Variants in RSRC1 observed in about 807,000 individuals in gnomAD.
RSRC1 encodes the protein arginine and serine rich coiled-coil 1.
RSRC1 carries 39 observed loss-of-function variants against 49.1 expected under a neutral mutation model. The ratio of observed to expected loss-of-function variants is 0.79; its 90% CI spans 0.61 to 1.04. RSRC1 has a LOEUF of 1.04. RSRC1 is among the 50% of genes least tolerant of loss of function. The pLI is 0.00. For missense variants in RSRC1, 388 were observed against 402.4 expected (o/e 0.96, Z 0.31); for synonymous variants, 143 against 130.8 (o/e 1.09, Z -0.63).
intron 3 of RSRC1, among the ~76,000 whole-genome samples, chr3:158,149,177 A>G (rs115160883): frequency 9.2e-5 from 14 of 152,268 alleles, no homozygotes; most frequent in South Asian, 2.1e-4. Context: ...TTTTCTTTAT[A>G]GTTTCTTTTT....
intron 3 of RSRC1, among the ~76,000 whole-genome samples, chr3:158,198,557 G>A (rs565848793): frequency 2.5e-4 from 38 of 152,194 alleles, no homozygotes; most frequent in African/African-American, 2.2e-4. Context: ...TATTTTGCTC[G>A]TTAGTTGATG....
chr3:158,497,162 A>G (rs935299919), intron 7 of RSRC1, among the ~76,000 whole-genome samples: 1 of 152,036 alleles, frequency 6.6e-6, no homozygotes, highest in African/African-American at 2.4e-5. Context: ...GAACTTTTTC[A>G]TCTTGCAAAA....
rs1279133857 is a variant in RSRC1 at position 158,545,654 on chromosome 3, A to G, written c.*1379A>G. Reference sequence around the variant, plus strand: ...GTGATGATGAAATATTTGTTTTCATACAAACATGCTTTCCCATTCTAAATA... The same window carrying G: ...GTGATGATGAAATATTTGTTTTCATGCAAACATGCTTTCCCATTCTAAATA... On this transcript the variant is annotated 3_prime_UTR_variant, in exon 10 of 10. Coordinates refer to ENST00000611884, the MANE Select transcript of RSRC1 (RefSeq NM_001271838.2). The G allele has an allele frequency of 6.6e-6, 1 of 152,240 alleles. No individual in the cohort carries two copies. The highest frequency in any genetic ancestry group is 1.5e-5 in the Non-Finnish European group (1 of 68,040). The allele number at this position is 152,240 out of a possible 1,614,324, so 9.4% of individuals were successfully genotyped here.
intron 3 of RSRC1, among the ~76,000 whole-genome samples, chr3:158,201,165 G>C (rs1270201650): frequency 1.3e-5 from 2 of 152,082 alleles, no homozygotes; most frequent in Admixed American, 1.3e-4. Context: ...ACCATGTTAA[G>C]AATTTCATTC....
At chr3:158,415,613 A>G (rs928835778) in intron 6 of RSRC1, among the ~76,000 whole-genome samples, 1 of 152,032 alleles carries the variant, frequency 6.6e-6, no homozygotes. Flanking sequence ...TTCAGTAAAT[A>G]TTGACTTTCA....
At chr3:158,120,807 T>A (rs1715206162) in intron 1 of RSRC1, among the ~76,000 whole-genome samples, 1 of 150,530 alleles carries the variant, frequency 6.6e-6, no homozygotes, top group Admixed American at 6.6e-5. Context: ...ATATTAAAGA[T>A]GATGTGAGCT....
intron 4 of RSRC1, among the ~76,000 whole-genome samples, chr3:158,215,419 A>T (rs1157758687): frequency 6.7e-6 from 1 of 149,962 alleles, no homozygotes. Flanking sequence ...CTGGCCTTGT[A>T]TTCATTTTAA....
At chr3:158,231,860 G>A (rs552268285) in intron 4 of RSRC1, among the ~76,000 whole-genome samples, 258 of 151,998 alleles carry the variant, frequency 1.7e-3, no homozygotes, top group Non-Finnish European at 3.0e-3. Context: ...TTACTTTACC[G>A]TACTTTTAAT....
intron 7 of RSRC1, among the ~76,000 whole-genome samples, chr3:158,512,521 T>C (rs1740247699): frequency 6.6e-6 from 1 of 152,234 alleles, no homozygotes; most frequent in Admixed American, 6.5e-5. Context: ...ACTGTAGCCT[T>C]ATAGTATAGT....
intron 7 of RSRC1, among the ~76,000 whole-genome samples, chr3:158,479,968 T>C (rs1046302953): frequency 1.3e-5 from 2 of 152,032 alleles, no homozygotes; most frequent in African/African-American, 4.8e-5. Flanking sequence ...ATGTTTTCCT[T>C]AGCAAAAGTC....
At chr3:158,214,050 T>C (rs1404824480) in intron 4 of RSRC1, among the ~76,000 whole-genome samples, 2 of 85,752 alleles carry the variant, frequency 2.3e-5, no homozygotes, top group Admixed American at 2.6e-4. Context: ...CAATAAAAAA[T>C]TATACAAAAA....
intron 6 of RSRC1, among the ~76,000 whole-genome samples, chr3:158,418,863 C>T (rs552222765): frequency 4.0e-5 from 6 of 151,778 alleles, no homozygotes; most frequent in Non-Finnish European, 8.8e-5. Flanking sequence ...GAGAAGTGAC[C>T]GAGATTAATC....
chr3:158,472,555 C>G (rs567340227), intron 7 of RSRC1, among the ~76,000 whole-genome samples: 7 of 152,254 alleles, frequency 4.6e-5, no homozygotes, highest in African/African-American at 1.4e-4. Flanking sequence ...AAACACTGCT[C>G]TGAAGTAGTT....
intron 4 of RSRC1, among the ~76,000 whole-genome samples, chr3:158,295,120 A>G (rs1435777657): frequency 1.3e-5 from 2 of 152,176 alleles, no homozygotes; most frequent in South Asian, 4.1e-4. Context: ...TAATGGAAAT[A>G]TATAGGAAGA....
In RSRC1 at chr3:158,181,530, G is replaced by C. The variant is rs141935359; in HGVS notation, c.321-21542G>C. Among the ~76,000 whole-genome samples, 192 of 152,234 alleles carry C rather than the reference G, an allele frequency of 1.3e-3. 1 individual carries two copies. Among genetic ancestry groups the C allele is most frequent in the African/African-American group, 4.5e-3 (185 of 41,550 alleles). ...GTGTATGCTTTTTGTTGGAAAATTAGTGATAAAAATAGTTCATTTTATACA... is the reference window on the plus strand; with the variant it reads ...GTGTATGCTTTTTGTTGGAAAATTACTGATAAAAATAGTTCATTTTATACA... On this transcript the variant is annotated intron_variant, in intron 3 of 9. Transcript: ENST00000611884.
intron 1 of RSRC1, among the ~76,000 whole-genome samples, chr3:158,121,491 T>C (rs888750788): frequency 4.6e-5 from 7 of 152,192 alleles, no homozygotes; most frequent in Non-Finnish European, 7.4e-5. Flanking sequence ...TTTAGTACTT[T>C]AGTTAATATT....
chr3:158,443,105 A>G lies in RSRC1; in HGVS notation c.584-17830A>G, dbSNP rs566997420. On this transcript the variant is annotated intron_variant, in intron 6 of 9. Coordinates refer to ENST00000611884, the MANE Select transcript of RSRC1 (RefSeq NM_001271838.2). Reference sequence around the variant, plus strand: ...TATAGAGCACAGGCAGAGTAGATTTAGCATCATTCTTAAGGACCCTTAGAT... The same window carrying G: ...TATAGAGCACAGGCAGAGTAGATTTGGCATCATTCTTAAGGACCCTTAGAT... 3.4e-4 allele frequency among the ~76,000 whole-genome samples: 52 copies of G among 152,290 alleles called. No individual in the cohort carries two copies. The South Asian group carries it at 0.01, about 30-fold the overall frequency.
At chr3:158,305,597 A>G (rs1727794098) in intron 5 of RSRC1, among the ~76,000 whole-genome samples, 1 of 152,080 alleles carries the variant, frequency 6.6e-6, no homozygotes, top group South Asian at 2.1e-4. Context: ...TAACTTAAGT[A>G]ACTGTAGAGA....
intron 6 of RSRC1, among the ~76,000 whole-genome samples, chr3:158,410,691 G>A (rs1734416411): frequency 6.6e-6 from 1 of 151,902 alleles, no homozygotes; most frequent in African/African-American, 2.4e-5. Context: ...TTCAACTCTT[G>A]TAATTTCAGC....
Sources: gnomAD v4.1 joint callset for allele counts (sites outside exome capture counted in the v4.1 genomes callset) on GRCh38, gnomAD v4.1.1 for gene constraint, MANE v1.5 for transcripts, NCBI Gene and HGNC (gene_info 2026-07-23, HGNC 2026-07-21) for gene names.